DCHS2: variants seen among roughly 807,000 people sequenced by gnomAD.
The protein encoded by DCHS2 is dachsous cadherin-related 2.
Under a neutral mutation model 182.4 loss-of-function variants are expected in DCHS2, and 142 were observed. The observed-to-expected ratio is 0.78, with a 90% CI of 0.68 to 0.89. The LOEUF is 0.89. Ranked by LOEUF, DCHS2 falls within the 40% of genes least tolerant of loss-of-function variation. The pLI is 0.00. For missense variants in DCHS2, 4,319 were observed against 4,198.6 expected, an observed-to-expected ratio of 1.03 and a Z score of -0.79; for synonymous variants, 1,740 against 1,663.3, an observed-to-expected ratio of 1.05 and a Z score of -1.12.
At chr4:154,242,413 G>C (rs954793389) in intron 17 of DCHS2, among the ~76,000 whole-genome samples, 4 of 152,020 alleles carry the variant, frequency 2.6e-5, no homozygotes, top group Non-Finnish European at 5.9e-5. Flanking sequence ...ATACTATAAG[G>C]GATGATGGTT....
rs182752405 is a variant in DCHS2, at chr4:154,489,993, T to G, written c.1363A>C (p.Thr455Pro). The G allele has an allele frequency of 4.5e-5, 69 of 1,549,978 alleles. No individual in the cohort carries two copies. In the Admixed American group the frequency reaches 1.1e-3, roughly 25 times the overall value. Residue 455 changes from threonine (T) to proline (P), a missense_variant, in exon 1 of 20, where the codon ACA (threonine) becomes CCA (proline). Thr to Pro is a conservative substitution (Grantham distance 38). Coordinates refer to ENST00000357232, the MANE Select transcript of DCHS2 (RefSeq NM_001358235.2). ...DGDWEKEDEA[T>P]GELGVGLGDG... ...CCAAGACCCACACCAAGCTCCCCTG[T>G]GGCCTCATCTTCCTTCTCCCAGTCA...
In DCHS2 at chr4:154,490,919, A is replaced by G; in HGVS notation, c.437T>C (p.Leu146Pro). ...RDHYSFVAAT[L>P]LGAVVQVEIR... ...CTCCACCTGCACCACAGCGCCCAGC[A>G]GCGTGGCGGCGACGAAGCTGTAGTG... Residue 146 changes from leucine to proline, a missense_variant, in exon 1 of 20, where the codon CTG (leucine) becomes CCG (proline). By Grantham distance (98) the Leu-to-Pro change is moderately conservative. Coordinates refer to ENST00000357232, the MANE Select transcript of DCHS2 (RefSeq NM_001358235.2). 6.4e-7 allele frequency: 1 copy of G among 1,551,218 alleles called. No individual in the cohort carries two copies. The highest frequency in any genetic ancestry group is 8.7e-7 in the Non-Finnish European group (1 of 1,146,890).
intron 10 of DCHS2, among the ~76,000 whole-genome samples, chr4:154,310,207 T>G (rs1023152131): frequency 6.6e-6 from 1 of 152,230 alleles, no homozygotes; most frequent in Non-Finnish European, 1.5e-5. Context: ...TATATTGGCA[T>G]AAACCTGGGG....
chr4:154,423,293 A>G (rs760171534), intron 1 of DCHS2, among the ~76,000 whole-genome samples: 1 of 152,208 alleles, frequency 6.6e-6, no homozygotes, highest in Non-Finnish European at 1.5e-5. Context: ...CCATGAAAGG[A>G]GTCATGTGAT....
At chr4:154,343,979 C>A (rs74964690) in intron 3 of DCHS2, among the ~76,000 whole-genome samples, 3,724 of 152,166 alleles carry the variant, frequency 0.024, 75 homozygotes, top group African/African-American at 0.045. Flanking sequence ...CACTTAAAGG[C>A]CATTATAGGG....
chr4:154,344,927 C>T (rs893837032), intron 3 of DCHS2, among the ~76,000 whole-genome samples: 2 of 152,168 alleles, frequency 1.3e-5, no homozygotes, highest in African/African-American at 4.8e-5. Context: ...AAAGGTCTTG[C>T]GTGGCTGACA....
chr4:154,305,300 C>A (rs917749161), intron 10 of DCHS2, 69 bp from the exon 11 acceptor site: 23 of 1,522,632 alleles, frequency 1.5e-5, no homozygotes, highest in Admixed American at 1.2e-4. Flanking sequence ...TTTCCTATTT[C>A]TTTTCCTTTG....
chr4:154,313,305 G>GT lies in DCHS2; in HGVS notation c.5260+2442dup, dbSNP rs543707107. ...ATACCTTAGTTAAAATCTGGTAGTTGTTTTTTCCTTTTGATACAAGAAGAA... is the reference window on the plus strand; with the variant it reads ...ATACCTTAGTTAAAATCTGGTAGTTGTTTTTTTCCTTTTGATACAAGAAGAA... On this transcript the variant is annotated intron_variant, in intron 10 of 19. Transcript: ENST00000357232. Among the ~76,000 whole-genome samples, 365 of 152,148 alleles carry GT rather than the reference G, an allele frequency of 2.4e-3. 1 individual carries two copies. The highest frequency in any genetic ancestry group is 8.1e-3 in the African/African-American group (338 of 41,534).
intron 10 of DCHS2, among the ~76,000 whole-genome samples, chr4:154,314,454 T>G (rs967325388): frequency 1.3e-5 from 2 of 152,184 alleles, no homozygotes; most frequent in Admixed American, 6.5e-5. Context: ...GAAAAACTCT[T>G]TGATCACACT....
rs958956426 is a variant in DCHS2 at position 154,231,812 on chromosome 4, C to A, written c.*2724G>T. The A allele has an allele frequency of 1.3e-5, 2 of 152,098 alleles. No homozygotes were observed. The highest frequency in any genetic ancestry group is 4.8e-5 in the African/African-American group (2 of 41,420). 9.4% of individuals were successfully genotyped at this position (152,098 alleles called of 1,614,324 possible). On this transcript the variant is annotated 3_prime_UTR_variant, in exon 20 of 20. Transcript: ENST00000357232. ...TAGATTGAATATGAATACATGGAGG[C>A]AGCCAGTAATGTAGAGTGCATTTTA...
rs1194516190 is a variant in DCHS2, at chr4:154,236,424, G to C, written c.8228C>G (p.Ser2743Ter). 2 of 1,613,956 alleles carry C rather than the reference G, an allele frequency of 1.2e-6. No homozygotes were observed. The highest frequency in any genetic ancestry group is 2.7e-5 in the African/African-American group (2 of 74,932). ...AGAAAAATGTTTCTTTTCTGCATCTGAAGCTTGGACAGTTAAGGTGAATTT... is the reference window on the plus strand; with the variant it reads ...AGAAAAATGTTTCTTTTCTGCATCTCAAGCTTGGACAGTTAAGGTGAATTT... Reference protein sequence around the residue: ...MTKFTLTVQASDAEKKHFSFA... With the variant: ...MTKFTLTVQA Residue 2743 changes from serine (S) to a stop codon, truncating the protein, a stop_gained, in exon 20 of 20, where the codon TCA becomes TGA. Coordinates refer to ENST00000357232, the MANE Select transcript of DCHS2 (RefSeq NM_001358235.2). LOFTEE classifies it low-confidence loss of function (END_TRUNC).
intron 1 of DCHS2, chr4:154,391,415 A>T: frequency 7.2e-7 from 1 of 1,390,510 alleles, no homozygotes; most frequent in Admixed American, 2.7e-5. Context: ...CTTGCAGCAT[A>T]AAGAAAGCGT....
chr4:154,410,015 G>A (rs942186204), intron 1 of DCHS2, among the ~76,000 whole-genome samples: 21 of 152,080 alleles, frequency 1.4e-4, no homozygotes, highest in Non-Finnish European at 1.0e-4. Flanking sequence ...CACCTGTAGT[G>A]AAAGTTTTTC....
At chr4:154,415,876 A>G (rs1239994978) in intron 1 of DCHS2, among the ~76,000 whole-genome samples, 2 of 152,222 alleles carry the variant, frequency 1.3e-5, no homozygotes, top group Admixed American at 6.5e-5. Context: ...ATTCACTTAA[A>G]TAAGTTTTTT....
rs543475856 is a variant in DCHS2 at position 154,446,973 on chromosome 4, C to G, written c.2052+42331G>C. 4.2e-4 allele frequency among the ~76,000 whole-genome samples: 64 copies of G among 152,156 alleles called. 1 individual carries two copies. Among genetic ancestry groups the G allele is most frequent in the African/African-American group, 1.5e-3 (63 of 41,506 alleles). On this transcript the variant is annotated intron_variant, in intron 1 of 19. Coordinates refer to ENST00000357232, the MANE Select transcript of DCHS2 (RefSeq NM_001358235.2). Reference sequence around the variant, plus strand: ...ACTCATACACACGCACACACACACACACACATAATAAATGCAAGTAAAACT... The same window carrying G: ...ACTCATACACACGCACACACACACAGACACATAATAAATGCAAGTAAAACT...
intron 1 of DCHS2, among the ~76,000 whole-genome samples, chr4:154,482,912 A>G (rs1366784669): frequency 1.3e-5 from 2 of 152,248 alleles, no homozygotes; most frequent in Non-Finnish European, 2.9e-5. Context: ...GTAAAGAGTA[A>G]AGGCAGCAGG....
At chr4:154,359,305 A>C (rs2110749546) in intron 3 of DCHS2, among the ~76,000 whole-genome samples, 1 of 152,196 alleles carries the variant, frequency 6.6e-6, no homozygotes, top group African/African-American at 2.4e-5. Context: ...GAACAGATGC[A>C]GTACTAAGTG....
At chr4:154,247,202 C>T (rs990884875) in intron 16 of DCHS2, among the ~76,000 whole-genome samples, 10 of 152,102 alleles carry the variant, frequency 6.6e-5, no homozygotes, top group East Asian at 1.9e-4. Context: ...GGTGGCCAGG[C>T]GCAGTGGCTT....
intron 13 of DCHS2, among the ~76,000 whole-genome samples, chr4:154,281,105 G>A (rs899537237): frequency 2.0e-5 from 3 of 152,038 alleles, no homozygotes; most frequent in Non-Finnish European, 2.9e-5. Context: ...GGGATTACAG[G>A]TGTGAGCCAG....
Sources: gnomAD v4.1 joint callset for allele counts (sites outside exome capture counted in the v4.1 genomes callset) on GRCh38, gnomAD v4.1.1 for gene constraint, MANE v1.5 for transcripts, NCBI Gene and HGNC (gene_info 2026-07-23, HGNC 2026-07-21) for gene names.